The following GALNT7 variants were observed in gnomAD, a reference collection of about 807,000 sequenced individuals.
The protein encoded by GALNT7 is polypeptide N-acetylgalactosaminyltransferase 7, also known as N-acetylgalactosaminyltransferase 7.
A neutral mutation model predicts 82.1 loss-of-function variants in GALNT7; 60 were observed. That is an observed-to-expected ratio of 0.73 (90% CI 0.59 to 0.91). The LOEUF is 0.91. Among genes scored for constraint, GALNT7 ranks in the 40% least tolerant of loss-of-function variants. GALNT7 has a pLI of 0.00. For missense variants in GALNT7, 660 were observed against 804.2 expected (o/e 0.82, Z 2.17); for synonymous variants, 243 against 275.1 (o/e 0.88, Z 1.15).
intron 1 of GALNT7, among the ~76,000 whole-genome samples, chr4:173,170,445 T>C (rs1731823433): frequency 6.6e-6 from 1 of 152,238 alleles, no homozygotes; most frequent in Admixed American, 6.5e-5. Context: ...TCTTCGCCTA[T>C]ATCATGAGAT....
At chr4:173,274,583 C>T (rs1238219931) in intron 2 of GALNT7, among the ~76,000 whole-genome samples, 2 of 152,044 alleles carry the variant, frequency 1.3e-5, no homozygotes, top group African/African-American at 4.8e-5. Flanking sequence ...GCCTCAGTTT[C>T]TTTATATATA....
chr4:173,294,274 CTTT>C (rs368722746), intron 3 of GALNT7, among the ~76,000 whole-genome samples: 1 of 139,144 alleles, frequency 7.2e-6, no homozygotes, highest in African/African-American at 2.6e-5. Flanking sequence ...AGGATAAAGG[CTTT>C]TTTTTTTTTT....
In GALNT7 at chr4:173,211,336, A is replaced by G. The variant is rs867764265; in HGVS notation, c.127-36644A>G. Among the ~76,000 whole-genome samples the G allele has an allele frequency of 3.9e-5, 6 of 152,336 alleles. No homozygotes were observed. In the Middle Eastern group the frequency reaches 0.01, roughly 259 times the overall value. On this transcript the variant is annotated intron_variant, in intron 1 of 11. Coordinates refer to ENST00000265000, the MANE Select transcript of GALNT7 (RefSeq NM_017423.3). ...AGCCTGGGCATGTGTGTCTTGAGAA[A>G]GGTACATAGGTGATATTGACAAGTA...
At position 173,292,286 on chromosome 4, in the gene GALNT7, G is replaced by A. The variant is rs1736573210; in HGVS notation, c.754+12G>A. ...TTTCAGTAATAAAGGTAATGGCTGT[G>A]AAACTCACATTTTGTCTATAAAATA... On this transcript the variant is annotated intron_variant, in intron 3 of 11. Coordinates refer to ENST00000265000, the MANE Select transcript of GALNT7 (RefSeq NM_017423.3). This position sits in a 1 kb window ranked among gnomAD's most constrained non-coding sequence, Gnocchi z 4.8. The A allele has an allele frequency of 2.0e-6, 3 of 1,482,814 alleles. No homozygotes were observed. The highest frequency in any genetic ancestry group is 2.7e-6 in the Non-Finnish European group (3 of 1,091,348). 91.9% of individuals were successfully genotyped at this position (1,482,814 alleles called of 1,614,324 possible).
chr4:173,182,578 G>A (rs1313888817), intron 1 of GALNT7, among the ~76,000 whole-genome samples: 38 of 152,008 alleles, frequency 2.5e-4, no homozygotes, highest in Admixed American at 2.4e-3. Flanking sequence ...TTTATTGACT[G>A]CAGGTAGCTA....
Position 173,237,340 on chromosome 4 carries a change from G to T in GALNT7, c.127-10640G>T, listed in dbSNP as rs114314425. 7.1e-3 allele frequency among the ~76,000 whole-genome samples: 1,088 copies of T among 152,304 alleles called. 13 individuals carry two copies. The highest frequency in any genetic ancestry group is 0.037 in the South Asian group (180 of 4,828). On this transcript the variant is annotated intron_variant, in intron 1 of 11. Coordinates refer to ENST00000265000, the MANE Select transcript of GALNT7 (RefSeq NM_017423.3). ...AGGGCAAAGCAGGGATGCAGTGGAG[G>T]AAGAGCCGTTTTATGCATTTCCAGC...
intron 1 of GALNT7, among the ~76,000 whole-genome samples, chr4:173,170,749 C>G (rs559827459): frequency 6.6e-6 from 1 of 152,038 alleles, no homozygotes; most frequent in Non-Finnish European, 1.5e-5. Flanking sequence ...AATGTTTAAC[C>G]CCCTATTTTC....
intron 1 of GALNT7, among the ~76,000 whole-genome samples, chr4:173,215,062 C>T (rs898747572): frequency 6.6e-6 from 1 of 152,102 alleles, no homozygotes; most frequent in African/African-American, 2.4e-5. Context: ...CTACCAGAAT[C>T]TAAGCTCCTG....
In GALNT7 at chr4:173,292,250, T is replaced by A; in HGVS notation, c.730T>A (p.Leu244Ile). Residue 244 changes from leucine (L) to isoleucine (I), a missense_variant, in exon 3 of 12, where the codon TTA (leucine) becomes ATA (isoleucine). Leu to Ile is a conservative substitution (Grantham distance 5). Around this residue, in one of 2 missense-constraint regions of GALNT7, gnomAD observed 527 missense variants for 683.5 expected, o/e 0.77. Transcript: ENST00000265000. This position sits in a 1 kb window ranked among gnomAD's most constrained non-coding sequence, Gnocchi z 4.8. ...TPRKYLAEIV[L>I]IDDFSNKEHL... ...AAGGAAATATTTAGCAGAAATTGTG[T>A]TAATTGACGATTTCAGTAATAAAGG... The A allele has an allele frequency of 6.3e-7, 1 of 1,577,812 alleles. No homozygotes were observed. Among genetic ancestry groups the A allele is most frequent in the Non-Finnish European group, 8.6e-7 (1 of 1,161,122 alleles).
intron 1 of GALNT7, 85 bp downstream of exon 1, chr4:173,169,046 G>C (rs1579868827): frequency 7.1e-7 from 1 of 1,403,544 alleles, no homozygotes; most frequent in Non-Finnish European, 9.7e-7. Flanking sequence ...AGGGGCGGCG[G>C]GGTCGCGGCA....
At chr4:173,267,271 G>C (rs1393002260) in intron 2 of GALNT7, among the ~76,000 whole-genome samples, 1 of 151,974 alleles carries the variant, frequency 6.6e-6, no homozygotes, top group Non-Finnish European at 1.5e-5. Flanking sequence ...CAGTGTTGAG[G>C]GTATGGGCAA....
intron 6 of GALNT7, among the ~76,000 whole-genome samples, chr4:173,299,802 C>T (rs925656483): frequency 2.0e-5 from 3 of 151,524 alleles, no homozygotes; most frequent in Admixed American, 6.6e-5. Context: ...GTCAGGATCA[C>T]GCCATTGCAC....
intron 1 of GALNT7, among the ~76,000 whole-genome samples, chr4:173,175,236 TAAC>T (rs757683649): frequency 1.4e-4 from 22 of 152,258 alleles, no homozygotes; most frequent in Non-Finnish European, 2.4e-4. Flanking sequence ...ATTTCAGTAA[TAAC>T]AGCAACAATA....
At chr4:173,287,092 A>G (rs1736349832) in intron 2 of GALNT7, among the ~76,000 whole-genome samples, 1 of 152,200 alleles carries the variant, frequency 6.6e-6, no homozygotes, top group South Asian at 2.1e-4. Context: ...TTCTTCCCAT[A>G]TTAAGGGCTG....
In GALNT7 at chr4:173,248,300, T is replaced by G. The variant is rs1734733897; in HGVS notation, c.447T>G (p.Pro149=). Residue 149 remains proline, a synonymous_variant, in exon 2 of 12, where the codon CCT becomes CCG. Transcript: ENST00000265000. ...EPEPPGVVGG[P]GEKAKPLVLG... is the part of the protein sequence containing the mutation. ...AGCCTCCTGGAGTGGTTGGTGGCCC[T>G]GGAGAGAAAGCCAAGCCATTGGTTT... 6.2e-7 allele frequency: 1 copy of G among 1,613,700 alleles called. No homozygotes were observed. Among genetic ancestry groups the G allele is most frequent in the Non-Finnish European group, 8.5e-7 (1 of 1,179,782 alleles).
intron 1 of GALNT7, among the ~76,000 whole-genome samples, chr4:173,233,938 C>T (rs916600778): frequency 3.3e-5 from 5 of 152,154 alleles, no homozygotes; most frequent in African/African-American, 7.2e-5. Context: ...AAAATGTTGT[C>T]TATTCTTGTT....
At chr4:173,290,939 G>T (rs1579994985) in intron 2 of GALNT7, among the ~76,000 whole-genome samples, 1 of 152,132 alleles carries the variant, frequency 6.6e-6, no homozygotes, top group East Asian at 1.9e-4. Flanking sequence ...CAGCAAAGGT[G>T]CCCCTCACCA....
At chr4:173,249,898 A>G (rs1489301307) in intron 2 of GALNT7, among the ~76,000 whole-genome samples, 1 of 152,176 alleles carries the variant, frequency 6.6e-6, no homozygotes, top group Non-Finnish European at 1.5e-5. Flanking sequence ...TGTCTCAGTT[A>G]TCCTCAGTGC....
At chr4:173,209,632 T>G (rs1733207095) in intron 1 of GALNT7, among the ~76,000 whole-genome samples, 1 of 152,228 alleles carries the variant, frequency 6.6e-6, no homozygotes, top group Non-Finnish European at 1.5e-5. Context: ...CAATCTGATC[T>G]CCTAATCTCT....
Sources: allele counts gnomAD v4.1 joint callset (sites outside exome capture counted in the v4.1 genomes callset), GRCh38; gene constraint gnomAD v4.1.1; regional missense constraint gnomAD v4.1.1; non-coding constraint Gnocchi (gnomAD v3.1); transcripts MANE v1.5; gene names NCBI Gene and HGNC (gene_info 2026-07-23, HGNC 2026-07-21).